Variants in HLCS observed in about 807,000 individuals in gnomAD.
HLCS encodes biotin--protein ligase.
HLCS carries 53 observed loss-of-function variants against 75.0 expected under a neutral mutation model. The ratio of observed to expected loss-of-function variants is 0.71; its 90% CI spans 0.57 to 0.89. HLCS has a LOEUF of 0.89. HLCS is among the 40% of genes least tolerant of loss of function. HLCS has a pLI of 0.00. For synonymous variants in HLCS, 431 were observed against 428.6 expected (o/e 1.01, Z -0.07); for missense variants, 966 against 1,074.0 (o/e 0.90, Z 1.41).
intron 8 of HLCS, among the ~76,000 whole-genome samples, chr21:36,764,327 G>A (rs1419073118): frequency 6.6e-6 from 1 of 152,230 alleles, no homozygotes; most frequent in Non-Finnish European, 1.5e-5. Flanking sequence ...AACCCTGGAG[G>A]CGGAGATTGC....
chr21:36,808,896 G>A (rs984190925), intron 6 of HLCS, among the ~76,000 whole-genome samples: 2 of 151,966 alleles, frequency 1.3e-5, no homozygotes, highest in Admixed American at 1.3e-4. Context: ...TTCAATCTTA[G>A]AAGGATATTT....
chr21:36,875,856 C>A (rs546600172), intron 6 of HLCS, among the ~76,000 whole-genome samples: 1 of 152,040 alleles, frequency 6.6e-6, no homozygotes, highest in African/African-American at 2.4e-5. Context: ...GGCAGCTCTT[C>A]GGGGAGCCAG....
chr21:36,770,500 G>A (rs1427673514), intron 6 of HLCS, among the ~76,000 whole-genome samples: 2 of 152,004 alleles, frequency 1.3e-5, no homozygotes, highest in Non-Finnish European at 2.9e-5. Flanking sequence ...AGGGCAGGAA[G>A]GAGATTAGAC....
At chr21:36,986,698 A>T (rs2069236040) in intron 1 of HLCS, 1 of 152,272 alleles carries the variant, frequency 6.6e-6, no homozygotes, top group African/African-American at 2.4e-5. Context: ...GACTACAGGC[A>T]TGAGCCACTA....
At chr21:36,868,601 G>T (rs79072322) in intron 6 of HLCS, among the ~76,000 whole-genome samples, 2,572 of 151,678 alleles carry the variant, frequency 0.017, 44 homozygotes, top group Non-Finnish European at 0.026. Flanking sequence ...AGTGATTCCA[G>T]TCAATATATC....
intron 6 of HLCS, among the ~76,000 whole-genome samples, chr21:36,854,358 C>T (rs560582994): frequency 6.6e-6 from 1 of 152,146 alleles, no homozygotes; most frequent in African/African-American, 2.4e-5. Context: ...GGGGTTCCCA[C>T]CAGAGACAGG....
chr21:36,753,345 TTC>T lies in HLCS; in HGVS notation c.*899_*900del, dbSNP rs1209537282. ...ACAGTCTTGCAGGAATGCTCCACAT[TTC>T]AGAGTAAATCTGAAACTGGCTTAAA... On this transcript the variant is annotated 3_prime_UTR_variant, in exon 11 of 11. Transcript: ENST00000674895. The surrounding 1 kb of genome is among the most constrained non-coding windows in gnomAD (Gnocchi z 4.3). 2 of 152,208 alleles carry T rather than the reference TTC, an allele frequency of 1.3e-5. No individual in the cohort carries two copies. The highest frequency in any genetic ancestry group is 2.4e-5 in the African/African-American group (1 of 41,438). The allele number at this position is 152,208 out of a possible 1,614,324, so 9.4% of individuals were successfully genotyped here. A position where few individuals can be genotyped will look rare whatever the true frequency, so the allele number is the denominator to read the frequency against.
chr21:36,758,458 A>G (rs2089690915), intron 9 of HLCS, among the ~76,000 whole-genome samples: 2 of 152,106 alleles, frequency 1.3e-5, no homozygotes, highest in South Asian at 4.2e-4. Flanking sequence ...GTCATCCAGA[A>G]TGGAGTGGAG....
intron 6 of HLCS, among the ~76,000 whole-genome samples, chr21:36,780,194 G>C (rs2060483896): frequency 6.6e-6 from 1 of 152,150 alleles, no homozygotes; most frequent in Non-Finnish European, 1.5e-5. Context: ...AGCTGAGGCG[G>C]TGTTGCTAGT....
intron 6 of HLCS, among the ~76,000 whole-genome samples, chr21:36,828,710 A>G (rs1037467878): frequency 3.9e-5 from 6 of 152,234 alleles, no homozygotes; most frequent in Non-Finnish European, 7.3e-5. Context: ...GTTGTGATCA[A>G]TAAAAAAACA....
At chr21:36,898,599 G>A (rs542110319) in intron 5 of HLCS, among the ~76,000 whole-genome samples, 3 of 152,204 alleles carry the variant, frequency 2.0e-5, no homozygotes, top group East Asian at 3.9e-4. Context: ...GGGAGACCCC[G>A]TCTAGATTAG....
At chr21:36,946,060 CCACAAGGGT>C in intron 2 of HLCS, 1 of 972,642 alleles carries the variant, frequency 1.0e-6, no homozygotes, top group Middle Eastern at 5.3e-4. Flanking sequence ...AGTGCCTGGG[CCACAAGGGT>C]GCTCTTATGG....
At chr21:36,837,953 G>T (rs1432911460) in intron 6 of HLCS, among the ~76,000 whole-genome samples, 1 of 152,114 alleles carries the variant, frequency 6.6e-6, no homozygotes, top group Non-Finnish European at 1.5e-5. Flanking sequence ...CTTAGGTAAT[G>T]ACCATTTATA....
chr21:36,828,014 C>T (rs535797765), intron 6 of HLCS, among the ~76,000 whole-genome samples: 1 of 152,102 alleles, frequency 6.6e-6, no homozygotes. Context: ...GGGGTTTCAC[C>T]GTGTTAGCCA....
At chr21:36,899,813 G>A (rs1340259813) in intron 5 of HLCS, among the ~76,000 whole-genome samples, 2 of 151,834 alleles carry the variant, frequency 1.3e-5, no homozygotes, top group African/African-American at 4.8e-5. Flanking sequence ...GAGTCAGAAA[G>A]TTAAAAAAGT....
chr21:36,835,770 T>C (rs1298640967), intron 6 of HLCS, among the ~76,000 whole-genome samples: 1 of 152,174 alleles, frequency 6.6e-6, no homozygotes, highest in African/African-American at 2.4e-5. Flanking sequence ...AATTAGCCTC[T>C]GTGAAGATGT....
intron 8 of HLCS, among the ~76,000 whole-genome samples, chr21:36,762,775 G>A (rs899223147): frequency 3.9e-5 from 6 of 152,170 alleles, no homozygotes; most frequent in African/African-American, 9.7e-5. Flanking sequence ...CCCCGACCCC[G>A]TTCACCGCTG....
At chr21:36,906,918 T>A (rs527787571) in intron 5 of HLCS, among the ~76,000 whole-genome samples, 62 of 152,294 alleles carry the variant, frequency 4.1e-4, no homozygotes, top group African/African-American at 1.3e-3. Flanking sequence ...TGATTTTTTT[T>A]AATTTTTTTG....
At chr21:36,837,960 T>C (rs1024924479) in intron 6 of HLCS, among the ~76,000 whole-genome samples, 2 of 152,222 alleles carry the variant, frequency 1.3e-5, no homozygotes, top group East Asian at 1.9e-4. Context: ...AATGACCATT[T>C]ATACACTTGA....
Sources: allele counts gnomAD v4.1 joint callset (sites outside exome capture counted in the v4.1 genomes callset), GRCh38; gene constraint gnomAD v4.1.1; non-coding constraint Gnocchi (gnomAD v3.1); transcripts MANE v1.5; gene names NCBI Gene and HGNC (gene_info 2026-07-23, HGNC 2026-07-21).